The following RASGRP1 variants were observed in gnomAD, a reference collection of about 807,000 sequenced individuals.
The protein encoded by RASGRP1 is RAS guanyl-releasing protein 1.
Under a neutral mutation model 95.1 loss-of-function variants are expected in RASGRP1, and 37 were observed. The observed-to-expected ratio is 0.39, with a 90% CI of 0.30 to 0.51. The LOEUF (loss-of-function observed/expected upper bound fraction) is 0.51, where lower values mean the gene tolerates loss of function less well. Ranked by LOEUF, RASGRP1 falls within the 20% of genes least tolerant of loss-of-function variation. The probability of loss-of-function intolerance (pLI) is 0.80; values close to 1 mark genes in which losing one functional copy is unlikely to be tolerated. For missense variants in RASGRP1, 711 were observed against 965.4 expected (o/e 0.74, Z 3.49); for synonymous variants, 325 against 353.4 (o/e 0.92, Z 0.90).
intron 12 of RASGRP1, chr15:38,501,557 G>T (rs1891025223): frequency 3.6e-6 from 2 of 555,696 alleles, no homozygotes; most frequent in Non-Finnish European, 6.7e-6. Flanking sequence ...CTATCTATAA[G>T]ACTTGAAAAA....
intron 2 of RASGRP1, among the ~76,000 whole-genome samples, chr15:38,539,478 A>G (rs1892780816): frequency 6.6e-6 from 1 of 152,296 alleles, no homozygotes; most frequent in Non-Finnish European, 1.5e-5. Flanking sequence ...AAGGGGCTAC[A>G]AATTATCACC....
chr15:38,500,068 T>TA (rs1476211980), intron 14 of RASGRP1, 35 bp downstream of exon 14: 4 of 1,604,958 alleles, frequency 2.5e-6, no homozygotes, highest in Non-Finnish European at 3.4e-6. Flanking sequence ...AATGGACTGA[T>TA]ACACCAGGAA....
At chr15:38,520,214 G>A (rs1891949187) in intron 3 of RASGRP1, among the ~76,000 whole-genome samples, 1 of 152,170 alleles carries the variant, frequency 6.6e-6, no homozygotes, top group Non-Finnish European at 1.5e-5. Flanking sequence ...CTCTGTGCCC[G>A]CCCGTAAAGG....
intron 3 of RASGRP1, among the ~76,000 whole-genome samples, chr15:38,523,588 T>C (rs1028946113): frequency 6.6e-6 from 1 of 152,182 alleles, no homozygotes; most frequent in African/African-American, 2.4e-5. Context: ...AACCTACAGT[T>C]ATGTACAGTA....
chr15:38,538,825 C>A (rs1479454634), intron 2 of RASGRP1, among the ~76,000 whole-genome samples: 2 of 152,120 alleles, frequency 1.3e-5, no homozygotes, highest in Non-Finnish European at 2.9e-5. Context: ...GTGTTAATAT[C>A]TTTTGAGGAG....
chr15:38,540,615 A>G (rs1316393324), intron 2 of RASGRP1, among the ~76,000 whole-genome samples: 1 of 152,204 alleles, frequency 6.6e-6, no homozygotes, highest in Non-Finnish European at 1.5e-5. Flanking sequence ...TAAGATTTAG[A>G]CTGTCCCTTT....
chr15:38,525,501 C>T (rs2141139129), intron 3 of RASGRP1, among the ~76,000 whole-genome samples: 1 of 152,284 alleles, frequency 6.6e-6, no homozygotes, highest in Admixed American at 6.5e-5. Flanking sequence ...TGGAAAACAC[C>T]TCCTTTGAGA....
intron 16 of RASGRP1, among the ~76,000 whole-genome samples, chr15:38,492,228 A>G (rs75872823): frequency 4.6e-4 from 70 of 152,338 alleles, no homozygotes; most frequent in African/African-American, 1.7e-3. Context: ...CATCTTAACA[A>G]TAACTCTGAG....
At chr15:38,537,005 T>C (rs984941368) in intron 2 of RASGRP1, among the ~76,000 whole-genome samples, 2 of 152,242 alleles carry the variant, frequency 1.3e-5, no homozygotes, top group African/African-American at 2.4e-5. Context: ...TTATTCTTAT[T>C]TCTCTTGCTA....
chr15:38,510,691 G>A (rs1891474554), intron 8 of RASGRP1, among the ~76,000 whole-genome samples: 1 of 152,252 alleles, frequency 6.6e-6, no homozygotes. Flanking sequence ...TGGACTCAGT[G>A]GCTCATGCCT....
chr15:38,558,821 C>G (rs1893683844), intron 2 of RASGRP1, among the ~76,000 whole-genome samples: 1 of 152,188 alleles, frequency 6.6e-6, no homozygotes, highest in Non-Finnish European at 1.5e-5. Context: ...AAGGTCTGAG[C>G]AAGCACTTAA....
chr15:38,562,893 T>C (rs1566941761), intron 1 of RASGRP1, among the ~76,000 whole-genome samples: 1 of 152,190 alleles, frequency 6.6e-6, no homozygotes, highest in Non-Finnish European at 1.5e-5. Context: ...TCTTGAAGGT[T>C]GATGCTTTTA....
At chr15:38,561,217 G>A (rs1893796126) in intron 1 of RASGRP1, among the ~76,000 whole-genome samples, 1 of 152,168 alleles carries the variant, frequency 6.6e-6, no homozygotes, top group African/African-American at 2.4e-5. Flanking sequence ...TATTCTATGA[G>A]TAAGGCATTG....
Position 38,547,975 on chromosome 15 carries a change from T to G in RASGRP1, c.220+11846A>C, listed in dbSNP as rs371337238. ...GCATTAAAGATTACAAGTTTCCAGG[T>G]TTTTTTTTTTTTTTTGGTCTTTTTG... is the stretch of plus-strand genomic sequence containing the variant. On this transcript the variant is annotated intron_variant, in intron 2 of 16. Coordinates refer to ENST00000310803, the MANE Select transcript of RASGRP1 (RefSeq NM_005739.4). Among the ~76,000 whole-genome samples, 5 of 118,216 alleles carry G rather than the reference T, an allele frequency of 4.2e-5. No homozygotes were observed. In the East Asian group the frequency reaches 6.4e-4, roughly 15 times the overall value. 77.6% of individuals were successfully genotyped at this position (118,216 alleles called of 152,430 possible).
intron 16 of RASGRP1, among the ~76,000 whole-genome samples, chr15:38,493,279 G>T (rs1459041384): frequency 6.8e-6 from 1 of 146,532 alleles, no homozygotes; most frequent in South Asian, 2.2e-4. Context: ...CCGGGTTCAA[G>T]TGATTCTCCT....
At chr15:38,528,107 C>G (rs1294221578) in intron 2 of RASGRP1, among the ~76,000 whole-genome samples, 1 of 152,158 alleles carries the variant, frequency 6.6e-6, no homozygotes, top group Non-Finnish European at 1.5e-5. Context: ...AAGGCCAACA[C>G]TTCACTGTGC....
chr15:38,518,386 C>G lies in RASGRP1; in HGVS notation c.427G>C (p.Asp143His). The change falls in exon 5 of 17, where the codon GAC becomes CAC. Residue 143 changes from aspartate (D) to histidine (H), a missense_variant. Transcript: ENST00000310803. ...TCCATAGTGTCTGTCAAGCTGGCGT[C>G]CATTTTAAACATGACCCAGAATTCT... ...ITEFWVMFKM[D>H]ASLTDTMEEF... The G allele has an allele frequency of 6.2e-7, 1 of 1,607,270 alleles. No individual in the cohort carries two copies. Among genetic ancestry groups the G allele is most frequent in the Non-Finnish European group, 8.5e-7 (1 of 1,176,744 alleles).
At chr15:38,501,854 T>TTCG (rs1316006683) in intron 12 of RASGRP1, among the ~76,000 whole-genome samples, 1 of 146,674 alleles carries the variant, frequency 6.8e-6, no homozygotes, top group Non-Finnish European at 1.5e-5. Context: ...CAATTCAGTT[T>TTCG]TTGTTTTTTT....
intron 2 of RASGRP1, among the ~76,000 whole-genome samples, chr15:38,551,854 T>C (rs575299344): frequency 6.6e-6 from 1 of 152,256 alleles, no homozygotes; most frequent in South Asian, 2.1e-4. Flanking sequence ...TTCATAAAAC[T>C]GGAAATACAG....
Sources: allele counts gnomAD v4.1 joint callset (sites outside exome capture counted in the v4.1 genomes callset), GRCh38; gene constraint gnomAD v4.1.1; transcripts MANE v1.5; gene names NCBI Gene and HGNC (gene_info 2026-07-23, HGNC 2026-07-21).